ASPRV1: variants seen among roughly 807,000 people sequenced by gnomAD.
ASPRV1 encodes the protein aspartic peptidase retroviral like 1, also known as retroviral-like aspartic protease 1.
Under a neutral mutation model 11.0 loss-of-function variants are expected in ASPRV1, and 7 were observed. The ratio of observed to expected loss-of-function variants is 0.64; its 90% CI spans 0.36 to 1.20. ASPRV1 has a LOEUF of 1.20. Among genes scored for constraint, ASPRV1 ranks in the 50% most tolerant of loss-of-function variants. The probability of loss-of-function intolerance (pLI) is 0.02; values close to 1 mark genes in which losing one functional copy is unlikely to be tolerated. For missense variants in ASPRV1, 299 were observed against 320.0 expected (o/e 0.93, Z 0.50); for synonymous variants, 136 against 138.4 (o/e 0.98, Z 0.12).
At chr2:70,065,841 A>G in the ASPRV1 span, among the ~76,000 whole-genome samples, 50 of 139,400 alleles carry the variant, frequency 3.6e-4, no homozygotes, top group Middle Eastern at 3.6e-3. Flanking sequence ...AAAAAAAAAA[A>G]AAAGAAAGAA....
At chr2:69,955,728 G>A (rs1449996772), downstream of ASPRV1, among the ~76,000 whole-genome samples, 1 of 152,124 alleles carries the variant, frequency 6.6e-6, no homozygotes, top group Non-Finnish European at 1.5e-5. Flanking sequence ...CTACAACATC[G>A]GCACAGTAGC....
the ASPRV1 span, chr2:69,942,153 T>A: frequency 6.6e-6 from 1 of 152,196 alleles, no homozygotes; most frequent in Non-Finnish European, 1.5e-5. Context: ...ATTCTTTTTC[T>A]ATGTTTGACT....
At chr2:70,060,358 A>AAG in the ASPRV1 span, among the ~76,000 whole-genome samples, 6 of 151,538 alleles carry the variant, frequency 4.0e-5, no homozygotes, top group Non-Finnish European at 5.9e-5. Context: ...AAAAAAAAAA[A>AAG]AGCCTATTAA....
chr2:70,051,983 A>G, the ASPRV1 span, among the ~76,000 whole-genome samples: 37 of 152,266 alleles, frequency 2.4e-4, no homozygotes, highest in African/African-American at 8.9e-4. Context: ...TCCAAAAAAA[A>G]GGGGTAGAAA....
chr2:70,026,985 T>C, the ASPRV1 span, among the ~76,000 whole-genome samples: 1 of 152,038 alleles, frequency 6.6e-6, no homozygotes, highest in Non-Finnish European at 1.5e-5. Flanking sequence ...GTGTGGACAC[T>C]CACGCCTGTA....
chr2:70,076,553 T>TA, the ASPRV1 span, among the ~76,000 whole-genome samples: 1 of 152,186 alleles, frequency 6.6e-6, no homozygotes, highest in Non-Finnish European at 1.5e-5. Flanking sequence ...ATTGTACAAA[T>TA]ACAGATGTTC....
chr2:69,936,753 CAG>C, the ASPRV1 span, among the ~76,000 whole-genome samples: 3 of 152,160 alleles, frequency 2.0e-5, no homozygotes, highest in Non-Finnish European at 1.5e-5. Context: ...TGCTAACAAA[CAG>C]AAGTTAATTG....
chr2:69,956,478 A>AGAAGAAGAAGAAGAAGAAG (rs780393687), downstream of ASPRV1, among the ~76,000 whole-genome samples: 1 of 124,462 alleles, frequency 8.0e-6, no homozygotes, highest in African/African-American at 3.9e-5. Context: ...AAGAAGAAGA[A>AGAAGAAGAAGAAGAAGAAG]AAGAGGAAGA....
the ASPRV1 span, among the ~76,000 whole-genome samples, chr2:69,978,210 G>A: frequency 6.6e-6 from 1 of 152,086 alleles, no homozygotes; most frequent in Non-Finnish European, 1.5e-5. Flanking sequence ...AACCCCCAGA[G>A]AAGCTTCTTC....
At chr2:70,007,202 T>C in the ASPRV1 span, among the ~76,000 whole-genome samples, 2 of 152,276 alleles carry the variant, frequency 1.3e-5, no homozygotes, top group South Asian at 2.1e-4. Flanking sequence ...TGGGTAGCCA[T>C]TGAAAGAAAT....
the ASPRV1 span, among the ~76,000 whole-genome samples, chr2:69,998,685 C>T: frequency 2.1e-4 from 32 of 150,190 alleles, no homozygotes; most frequent in South Asian, 5.2e-3. Context: ...GCAGAGATCA[C>T]GCCACTGCAC....
At chr2:70,025,359 G>T in the ASPRV1 span, among the ~76,000 whole-genome samples, 3 of 151,824 alleles carry the variant, frequency 2.0e-5, no homozygotes, top group African/African-American at 7.3e-5. Context: ...GGAGCTCAAG[G>T]CCAGCCTGGG....
chr2:70,051,988 T>C, the ASPRV1 span, among the ~76,000 whole-genome samples: 1 of 151,820 alleles, frequency 6.6e-6, no homozygotes, highest in East Asian at 1.9e-4. Context: ...AAAAAAGGGG[T>C]AGAAACACTC....
the ASPRV1 span, among the ~76,000 whole-genome samples, chr2:70,051,905 G>A: frequency 6.6e-6 from 1 of 152,050 alleles, no homozygotes; most frequent in East Asian, 1.9e-4. Flanking sequence ...AGCCCAGGAG[G>A]TAAAGTTTGC....
the ASPRV1 span, among the ~76,000 whole-genome samples, chr2:69,998,742 A>G: frequency 6.6e-6 from 1 of 152,124 alleles, no homozygotes; most frequent in Non-Finnish European, 1.5e-5. Flanking sequence ...AAAAAAAAAA[A>G]AAGATTTCTT....
chr2:69,983,216 G>C, the ASPRV1 span, among the ~76,000 whole-genome samples: 1 of 152,140 alleles, frequency 6.6e-6, no homozygotes, highest in Non-Finnish European at 1.5e-5. Context: ...ACCATGTCTG[G>C]CTGGAACCCT....
chr2:70,013,972 A>G, the ASPRV1 span, among the ~76,000 whole-genome samples: 7 of 152,302 alleles, frequency 4.6e-5, no homozygotes, highest in African/African-American at 1.7e-4. Context: ...CTAATATGGC[A>G]TTTTTCCAAA....
At chr2:70,015,439 A>C in the ASPRV1 span, 1 of 152,236 alleles carries the variant, frequency 6.6e-6, no homozygotes, top group Non-Finnish European at 1.5e-5. Context: ...TCAAAAATAC[A>C]GTACTCACAG....
the ASPRV1 span, among the ~76,000 whole-genome samples, chr2:70,033,040 TA>T: frequency 6.6e-6 from 1 of 152,210 alleles, no homozygotes; most frequent in African/African-American, 2.4e-5. Flanking sequence ...GGGCATGTTT[TA>T]AAAACTCCCT....
Sources: gnomAD v4.1 joint callset for allele counts (sites outside exome capture counted in the v4.1 genomes callset) on GRCh38, gnomAD v4.1.1 for gene constraint, MANE v1.5 for transcripts, NCBI Gene and HGNC (gene_info 2026-07-23, HGNC 2026-07-21) for gene names.